Variants in RAP1GAP2 observed in about 807,000 individuals in gnomAD.
RAP1GAP2 encodes RAP1 GTPase activating protein 2.
Under a neutral mutation model 95.0 loss-of-function variants are expected in RAP1GAP2, and 27 were observed. The ratio of observed to expected loss-of-function variants is 0.28; its 90% CI spans 0.21 to 0.39. The LOEUF is 0.39. RAP1GAP2 is among the 10% of genes least tolerant of loss of function. The pLI, the probability that RAP1GAP2 is intolerant of heterozygous loss-of-function variation, is 1.00. For synonymous variants in RAP1GAP2, 373 were observed against 380.9 expected (o/e 0.98, Z 0.24); for missense variants, 771 against 970.0 (o/e 0.79, Z 2.72).
At chr17:3,012,629 A>C (rs953437209) in intron 17 of RAP1GAP2, among the ~76,000 whole-genome samples, 1 of 140,540 alleles carries the variant, frequency 7.1e-6, no homozygotes, top group Non-Finnish European at 1.6e-5. Flanking sequence ...AAAAAAAAAA[A>C]AACAAACCTA....
At chr17:2,777,104 C>CT (rs1256572647) in exon 1 of RAP1GAP2, 4 of 152,420 alleles carry the variant, frequency 2.6e-5, no homozygotes, top group Non-Finnish European at 4.4e-5. Flanking sequence ...TACTGCGTTC[C>CT]GGAGGAGCCA....
chr17:2,802,196 G>C (rs985184346), intron 2 of RAP1GAP2, among the ~76,000 whole-genome samples: 8 of 152,178 alleles, frequency 5.3e-5, no homozygotes, highest in Non-Finnish European at 8.8e-5. Context: ...GTCTCCCTCT[G>C]TCATGCCATT....
rs189509482 is a variant in RAP1GAP2 at position 2,806,426 on chromosome 17, T to A, written c.80+5876T>A. The stretch of plus-strand genomic sequence containing the variant: ...TTATTATTTTGAGAGGGAGTCTCGC[T>A]CTGTCGCCCAGTCTGGAGTGCAGTG... On this transcript the variant is annotated intron_variant, in intron 2 of 24. Transcript: ENST00000254695. Among the ~76,000 whole-genome samples, 515 of 146,302 alleles carry A rather than the reference T, an allele frequency of 3.5e-3. 3 individuals carry two copies. The highest frequency in any genetic ancestry group is 0.013 in the African/African-American group (493 of 38,988).
chr17:2,824,029 A>G (rs1406250816), intron 2 of RAP1GAP2, among the ~76,000 whole-genome samples: 3 of 150,940 alleles, frequency 2.0e-5, no homozygotes, highest in Non-Finnish European at 2.9e-5. Context: ...AGGCTGAGGC[A>G]GGAGAATGGC....
chr17:2,771,770 G>A lies in RAP1GAP2; in HGVS notation c.167+1325G>A, dbSNP rs188127150. On this transcript the variant is annotated intron_variant, in intron 2 of 25. Coordinates refer to the RAP1GAP2 transcript ENST00000637138. ...CTCCCAAAGTGCTGGGATTACAAGC[G>A]TGAGCCACTGTGCCCGGCCACATAA... 5.2e-4 allele frequency among the ~76,000 whole-genome samples: 79 copies of A among 152,202 alleles called. 1 individual carries two copies. Among genetic ancestry groups the A allele is most frequent in the Non-Finnish European group, 2.9e-4 (20 of 68,022 alleles).
chr17:2,987,823 C>G (rs578191288), intron 11 of RAP1GAP2, among the ~76,000 whole-genome samples: 1 of 152,276 alleles, frequency 6.6e-6, no homozygotes, highest in East Asian at 1.9e-4. Context: ...AGCCCAAGTT[C>G]TGCTTTTTGT....
chr17:2,859,627 G>A (rs1043327245), intron 2 of RAP1GAP2, among the ~76,000 whole-genome samples: 2 of 151,840 alleles, frequency 1.3e-5, no homozygotes, highest in Non-Finnish European at 2.9e-5. Flanking sequence ...GTAGAGATGG[G>A]GTTTCGTCAT....
At chr17:2,813,875 A>G (rs1163911653) in intron 2 of RAP1GAP2, among the ~76,000 whole-genome samples, 4 of 152,114 alleles carry the variant, frequency 2.6e-5, no homozygotes, top group East Asian at 1.9e-4. Context: ...AGGCAGGAGA[A>G]TCACTTAAAC....
At chr17:2,962,590 T>TGTAA (rs1454824665) in intron 4 of RAP1GAP2, 80 bp from the exon 5 acceptor site, 2 of 1,429,616 alleles carry the variant, frequency 1.4e-6, no homozygotes, top group Non-Finnish European at 1.9e-6. Context: ...ACTAACCCCC[T>TGTAA]GTAAGGCCAG....
At chr17:2,928,083 ACTGATGG>A in intron 3 of RAP1GAP2, among the ~76,000 whole-genome samples, 1 of 151,970 alleles carries the variant, frequency 6.6e-6, no homozygotes, top group Non-Finnish European at 1.5e-5. Context: ...AACTGATGGA[ACTGATGG>A]AAAAGCCACC....
chr17:2,928,812 G>A (rs2043049641), intron 3 of RAP1GAP2, among the ~76,000 whole-genome samples: 1 of 152,042 alleles, frequency 6.6e-6, no homozygotes, highest in Admixed American at 6.6e-5. Context: ...GTGAGGGATG[G>A]GGAGTCGGAG....
rs533830029 is a variant in RAP1GAP2 at position 2,948,105 on chromosome 17, C to T, written c.166-9654C>T. Among the ~76,000 whole-genome samples the T allele has an allele frequency of 3.9e-4, 59 of 152,312 alleles. No homozygotes were observed. In the South Asian group the frequency reaches 0.011, roughly 29 times the overall value. Reference sequence around the variant, plus strand: ...AAGGACTCATTGAGCGACCTGTGTGCCAGGCTCTGTACACGCTGGCCCGTG... The same window carrying T: ...AAGGACTCATTGAGCGACCTGTGTGTCAGGCTCTGTACACGCTGGCCCGTG... On this transcript the variant is annotated intron_variant, in intron 3 of 24. Transcript: ENST00000254695.
intron 2 of RAP1GAP2, among the ~76,000 whole-genome samples, chr17:2,808,721 T>A (rs997050703): frequency 1.4e-4 from 21 of 152,210 alleles, no homozygotes; most frequent in African/African-American, 4.1e-4. Context: ...TGTGCCCATT[T>A]CTGTCTTGAG....
At position 2,906,668 on chromosome 17, in the gene RAP1GAP2, C is replaced by T. The variant is rs552682995; in HGVS notation, c.165+1300C>T. On this transcript the variant is annotated intron_variant, in intron 3 of 24. Coordinates refer to ENST00000254695, the MANE Select transcript of RAP1GAP2 (RefSeq NM_015085.5). The surrounding 1 kb of genome is among the most constrained non-coding windows in gnomAD (Gnocchi z 4.3). ...AATGCTAAGAAGCCTGTCACCATTCCGAGTGTCCCCTTGGTCTACAAAGGT... is the reference window on the plus strand; with the variant it reads ...AATGCTAAGAAGCCTGTCACCATTCTGAGTGTCCCCTTGGTCTACAAAGGT... 5.3e-5 allele frequency among the ~76,000 whole-genome samples: 8 copies of T among 152,014 alleles called. No individual in the cohort carries two copies. The highest frequency in any genetic ancestry group is 1.2e-4 in the Non-Finnish European group (8 of 68,006).
chr17:3,035,127 T>C lies in RAP1GAP2; in HGVS notation c.*1766T>C, dbSNP rs2151687323. On this transcript the variant is annotated 3_prime_UTR_variant, in exon 25 of 25. Transcript: ENST00000254695. The surrounding 1 kb of genome is among the most constrained non-coding windows in gnomAD (Gnocchi z 4.3). ...AGAGGAGCTCTCCCTTTGCTAGTAC[T>C]TTCTCTAAAGTACTAGTCTAGTAAA... 6.6e-6 allele frequency: 1 copy of C among 152,656 alleles called. No individual in the cohort carries two copies. The highest frequency in any genetic ancestry group is 2.4e-5 in the African/African-American group (1 of 41,556). 9.5% of individuals were successfully genotyped at this position (152,656 alleles called of 1,614,324 possible).
At position 2,825,587 on chromosome 17, in the gene RAP1GAP2, T is replaced by G. The variant is rs2070512091; in HGVS notation, c.80+25037T>G. On this transcript the variant is annotated intron_variant, in intron 2 of 24. Transcript: ENST00000254695. This position sits in a 1 kb window ranked among gnomAD's most constrained non-coding sequence, Gnocchi z 4.1. Reference sequence around the variant, plus strand: ...GCTGGGGTTACCTTGGGCAACCGTCTGAACCTCTCTGAGCTTGTTTTCCCA... The same window carrying G: ...GCTGGGGTTACCTTGGGCAACCGTCGGAACCTCTCTGAGCTTGTTTTCCCA... Among the ~76,000 whole-genome samples, 1 of 152,158 alleles carries G rather than the reference T, an allele frequency of 6.6e-6. No homozygotes were observed.
intron 2 of RAP1GAP2, among the ~76,000 whole-genome samples, chr17:2,865,278 G>A (rs1434356815): frequency 6.6e-6 from 1 of 152,168 alleles, no homozygotes; most frequent in Admixed American, 6.5e-5. Context: ...CTGTTAAGGA[G>A]TTAAGAACTC....
intron 1 of RAP1GAP2, among the ~76,000 whole-genome samples, chr17:2,763,850 G>T (rs2068230256): frequency 6.6e-6 from 1 of 152,144 alleles, no homozygotes; most frequent in South Asian, 2.1e-4. Context: ...AGTGGAAAGG[G>T]TGAGTGATGG....
chr17:2,941,665 T>TG (rs2043502831), intron 3 of RAP1GAP2, among the ~76,000 whole-genome samples: 1 of 94,312 alleles, frequency 1.1e-5, no homozygotes, highest in Non-Finnish European at 2.3e-5. Context: ...TGATGACTCT[T>TG]GGGTTTTTTT....
Sources: allele counts gnomAD v4.1 joint callset (sites outside exome capture counted in the v4.1 genomes callset), GRCh38; gene constraint gnomAD v4.1.1; non-coding constraint Gnocchi (gnomAD v3.1); transcripts MANE v1.5; gene names NCBI Gene and HGNC (gene_info 2026-07-23, HGNC 2026-07-21).